Variants in MRAS observed in about 807,000 individuals in gnomAD.
MRAS encodes the protein ras-related protein M-Ras.
A neutral mutation model predicts 20.9 loss-of-function variants in MRAS; 4 were observed. That is an observed-to-expected ratio of 0.19 (90% confidence interval 0.09 to 0.44). The LOEUF is 0.44. Ranked by LOEUF, MRAS falls within the 20% of genes least tolerant of loss-of-function variation. The pLI is 0.99. For missense variants in MRAS, 154 were observed against 277.5 expected (o/e 0.56, Z 3.16); for synonymous variants, 98 against 102.9 (o/e 0.95, Z 0.29).
At chr3:138,396,555 C>T (rs2055239832) in intron 2 of MRAS, among the ~76,000 whole-genome samples, 2 of 152,222 alleles carry the variant, frequency 1.3e-5, no homozygotes, top group South Asian at 4.1e-4. Flanking sequence ...GAACCCCCCA[C>T]CCTGCCTACC....
Position 138,402,219 on chromosome 3 carries a change from C to A in MRAS, c.577C>A (p.Arg193=), listed in dbSNP as rs1292662955. 2 of 1,614,098 alleles carry A rather than the reference C, an allele frequency of 1.2e-6. No individual in the cohort carries two copies. The highest frequency in any genetic ancestry group is 1.7e-6 in the Non-Finnish European group (2 of 1,180,042). Residue 193 remains arginine, a synonymous_variant, in exon 6 of 6, where the codon CGG becomes AGG. Transcript: ENST00000423968. ...SQKKKKKTKW[R]GDRATGTHKL... ...GAAGAAGAAGAAGAAAACCAAATGG[C>A]GGGGAGACCGGGCCACAGGCACCCA...
chr3:138,349,208 G>T (rs1277545948), intron 1 of MRAS: 1 of 152,296 alleles, frequency 6.6e-6, no homozygotes, highest in East Asian at 1.9e-4. Context: ...ATAATAAAAC[G>T]CAGCCTGCTT....
At position 138,396,314 on chromosome 3, in the gene MRAS, G is replaced by A. The variant is rs2055234355; in HGVS notation, c.194-1010G>A. On this transcript the variant is annotated intron_variant, in intron 2 of 5. Transcript: ENST00000423968. ...GGCACAGAGAGGGTAGCTTGCCTGGGGTCACACCCAGGCATGAGAAGCCAG... is the reference window on the plus strand; with the variant it reads ...GGCACAGAGAGGGTAGCTTGCCTGGAGTCACACCCAGGCATGAGAAGCCAG... Among the ~76,000 whole-genome samples the A allele has an allele frequency of 2.0e-5, 3 of 152,260 alleles. No individual in the cohort carries two copies. The South Asian group carries it at 6.2e-4, about 32-fold the overall frequency.
chr3:138,362,988 T>G (rs769475702), intron 1 of MRAS, among the ~76,000 whole-genome samples: 13 of 152,166 alleles, frequency 8.5e-5, no homozygotes, highest in South Asian at 6.2e-4. Context: ...ATTACACTTT[T>G]GTCGCTTCTA....
chr3:138,360,044 C>T (rs1011954184), intron 1 of MRAS, among the ~76,000 whole-genome samples: 5 of 152,204 alleles, frequency 3.3e-5, no homozygotes, highest in African/African-American at 9.7e-5. Flanking sequence ...CAGCAGTCAG[C>T]TGGTGCGGGG....
chr3:138,349,731 C>G (rs1020015934), intron 1 of MRAS: 1 of 152,228 alleles, frequency 6.6e-6, no homozygotes, highest in Non-Finnish European at 1.5e-5. Context: ...TGACAAGGCT[C>G]GGAATCGTGG....
chr3:138,382,068 C>T (rs1334816831), intron 2 of MRAS, among the ~76,000 whole-genome samples: 1 of 152,210 alleles, frequency 6.6e-6, no homozygotes, highest in Admixed American at 6.5e-5. Context: ...CAAGGGGAAG[C>T]TGCCCTTCCC....
intron 2 of MRAS, among the ~76,000 whole-genome samples, chr3:138,388,819 C>T (rs1016793388): frequency 6.6e-6 from 1 of 152,068 alleles, no homozygotes; most frequent in Non-Finnish European, 1.5e-5. Flanking sequence ...CTTATTTCAC[C>T]CTGTAGGGGT....
intron 2 of MRAS, among the ~76,000 whole-genome samples, chr3:138,385,156 ATTTTTTTTTTTTTT>A (rs34770279): frequency 3.2e-4 from 21 of 66,478 alleles, no homozygotes; most frequent in African/African-American, 1.1e-3. Flanking sequence ...TTGATTTGTA[ATTTTTTTTTTTTTT>A]TTTTTTTTTT....
At chr3:138,385,078 G>A (rs1386468347) in intron 2 of MRAS, among the ~76,000 whole-genome samples, 2 of 151,756 alleles carry the variant, frequency 1.3e-5, no homozygotes, top group East Asian at 1.9e-4. Context: ...GGCAAGAAGC[G>A]TTTCTGAAAG....
intron 1 of MRAS, among the ~76,000 whole-genome samples, chr3:138,369,123 A>C (rs1049944858): frequency 2.6e-5 from 4 of 152,190 alleles, no homozygotes; most frequent in Non-Finnish European, 5.9e-5. Context: ...TGAGGAAGCC[A>C]GCTCTGTGGT....
intron 1 of MRAS, among the ~76,000 whole-genome samples, chr3:138,372,591 A>G (rs1029583579): frequency 1.1e-4 from 17 of 152,320 alleles, no homozygotes; most frequent in African/African-American, 4.1e-4. Flanking sequence ...GCTTTTGGCT[A>G]TACTTGCTAA....
At chr3:138,388,541 A>G (rs2055064319) in intron 2 of MRAS, among the ~76,000 whole-genome samples, 1 of 152,030 alleles carries the variant, frequency 6.6e-6, no homozygotes, top group African/African-American at 2.4e-5. Context: ...TTTACTAAAA[A>G]TACAAAAATT....
chr3:138,363,818 T>TTGGCCCCCCC, intron 1 of MRAS, among the ~76,000 whole-genome samples: 1 of 65,464 alleles, frequency 1.5e-5, no homozygotes, highest in South Asian at 7.0e-4. Context: ...TTAGAGGATT[T>TTGGCCCCCCC]ACCCCCCCCC....
At chr3:138,383,128 A>T (rs2054939232) in intron 2 of MRAS, among the ~76,000 whole-genome samples, 1 of 152,180 alleles carries the variant, frequency 6.6e-6, no homozygotes, top group African/African-American at 2.4e-5. Flanking sequence ...AAAAAAATAC[A>T]AATTGTGAGT....
chr3:138,400,567 C>T lies in MRAS; in HGVS notation c.481C>T (p.Pro161Ser). The change falls in exon 5 of 6, where the codon CCT becomes TCT. Residue 161 changes from proline to serine, a missense_variant. Around this residue, in one of 3 missense-constraint regions of MRAS, gnomAD observed 125 missense variants for 213.5 expected, o/e 0.59. Coordinates refer to ENST00000423968, the MANE Select transcript of MRAS (RefSeq NM_001085049.3). ...PYIETSAKDP[P>S]LNVDKAFHDL... ...CATAGAAACCAGTGCCAAGGACCCACCTCTCAATGTCGACAAAGCCTTCCA... is the reference window on the plus strand; with the variant it reads ...CATAGAAACCAGTGCCAAGGACCCATCTCTCAATGTCGACAAAGCCTTCCA... 1.2e-6 allele frequency: 2 copies of T among 1,613,764 alleles called. No homozygotes were observed. Among genetic ancestry groups the T allele is most frequent in the Non-Finnish European group, 8.5e-7 (1 of 1,179,658 alleles).
chr3:138,376,024 T>G (rs2054776570), intron 2 of MRAS, among the ~76,000 whole-genome samples: 1 of 152,158 alleles, frequency 6.6e-6, no homozygotes, highest in African/African-American at 2.4e-5. Context: ...TTTGTAAATA[T>G]GTTTTAAAAG....
At chr3:138,362,463 C>T (rs919625787) in intron 1 of MRAS, among the ~76,000 whole-genome samples, 2 of 152,198 alleles carry the variant, frequency 1.3e-5, no homozygotes, top group South Asian at 2.1e-4. Flanking sequence ...TTCCCATCCC[C>T]TTTCCCATCC....
intron 1 of MRAS, among the ~76,000 whole-genome samples, chr3:138,365,387 A>T (rs1358372635): frequency 6.6e-6 from 1 of 152,200 alleles, no homozygotes; most frequent in Non-Finnish European, 1.5e-5. Context: ...AGACCCAGTT[A>T]TTGACAGTTG....
Sources: gnomAD v4.1 joint callset for allele counts (sites outside exome capture counted in the v4.1 genomes callset) on GRCh38, gnomAD v4.1.1 for gene constraint, gnomAD v4.1.1 regional missense constraint, MANE v1.5 for transcripts, NCBI Gene and HGNC (gene_info 2026-07-23, HGNC 2026-07-21) for gene names.